HPSE2: variants seen among roughly 807,000 people sequenced by gnomAD.
The protein encoded by HPSE2 is inactive heparanase-2.
Under a neutral mutation model 60.5 loss-of-function variants are expected in HPSE2, and 38 were observed. The observed-to-expected ratio is 0.63, with a 90% CI of 0.48 to 0.82. The LOEUF is 0.82. Ranked by LOEUF, HPSE2 falls within the 40% of genes least tolerant of loss-of-function variation. The pLI is 0.00. For synonymous variants in HPSE2, 295 were observed against 293.2 expected (o/e 1.01, Z -0.06); for missense variants, 713 against 740.4 (o/e 0.96, Z 0.43).
chr10:99,286,498 G>C, the HPSE2 span, among the ~76,000 whole-genome samples: 2 of 152,100 alleles, frequency 1.3e-5, no homozygotes, highest in African/African-American at 4.8e-5. Context: ...AATTCATAGA[G>C]ACAGAAAATA....
chr10:98,594,740 T>C lies in HPSE2; in HGVS notation c.1320+20164A>G, dbSNP rs191609749. On this transcript the variant is annotated intron_variant, in intron 9 of 11. Coordinates refer to ENST00000370552, the MANE Select transcript of HPSE2 (RefSeq NM_021828.5). The stretch of plus-strand genomic sequence containing the variant: ...TTAGATTGTTTCCATATCTTGGCTA[T>C]TGTAAGTAATGCTGCAATGATCATG... Among the ~76,000 whole-genome samples the C allele has an allele frequency of 9.2e-4, 140 of 152,312 alleles. 1 individual carries two copies. Among genetic ancestry groups the C allele is most frequent in the African/African-American group, 3.1e-3 (127 of 41,576 alleles).
At chr10:99,106,692 A>C (rs1017164751) in intron 3 of HPSE2, among the ~76,000 whole-genome samples, 1 of 152,090 alleles carries the variant, frequency 6.6e-6, no homozygotes, top group African/African-American at 2.4e-5. Context: ...TACTGTGCTA[A>C]ACCTAAACAT....
At chr10:98,678,412 T>C (rs1288117670) in intron 6 of HPSE2, among the ~76,000 whole-genome samples, 1 of 152,154 alleles carries the variant, frequency 6.6e-6, no homozygotes, top group East Asian at 1.9e-4. Context: ...TGGAGGGTGA[T>C]TAAAATAGAC....
At chr10:99,001,632 G>C (rs1010386666) in intron 3 of HPSE2, among the ~76,000 whole-genome samples, 5 of 151,976 alleles carry the variant, frequency 3.3e-5, no homozygotes, top group Admixed American at 3.3e-4. Flanking sequence ...TTTGTAACTA[G>C]TCAAATGCCA....
intron 11 of HPSE2, among the ~76,000 whole-genome samples, chr10:98,469,611 G>C (rs1260773427): frequency 6.6e-6 from 1 of 152,190 alleles, no homozygotes; most frequent in African/African-American, 2.4e-5. Flanking sequence ...CAGGAAGGGA[G>C]GAAAATCAGA....
intron 3 of HPSE2, among the ~76,000 whole-genome samples, chr10:98,902,004 C>A (rs1352886282): frequency 6.6e-6 from 1 of 152,124 alleles, no homozygotes; most frequent in African/African-American, 2.4e-5. Flanking sequence ...CCAGAGTGCT[C>A]AACATCTAGG....
chr10:98,822,022 G>T (rs1387130808), intron 3 of HPSE2, among the ~76,000 whole-genome samples: 1 of 152,122 alleles, frequency 6.6e-6, no homozygotes, highest in Non-Finnish European at 1.5e-5. Flanking sequence ...CAAATTTACG[G>T]TATGGTCCCA....
At chr10:98,610,084 G>A (rs201346121) in intron 9 of HPSE2, among the ~76,000 whole-genome samples, 10 of 152,044 alleles carry the variant, frequency 6.6e-5, no homozygotes, top group Non-Finnish European at 1.3e-4. Context: ...CTCGTGATCC[G>A]CCCGCCTTGG....
chr10:98,791,148 T>G (rs746997648), intron 3 of HPSE2, among the ~76,000 whole-genome samples: 6 of 152,212 alleles, frequency 3.9e-5, no homozygotes, highest in Non-Finnish European at 4.4e-5. Context: ...GTGTTTCATG[T>G]TATATCATTT....
At chr10:99,263,562 C>T in the HPSE2 span, among the ~76,000 whole-genome samples, 13 of 152,174 alleles carry the variant, frequency 8.5e-5, no homozygotes, top group Non-Finnish European at 1.3e-4. Context: ...CAGATTCCAT[C>T]ACTCAGGGGA....
chr10:99,023,109 G>A (rs962941822), intron 3 of HPSE2, among the ~76,000 whole-genome samples: 1 of 152,126 alleles, frequency 6.6e-6, no homozygotes, highest in Non-Finnish European at 1.5e-5. Flanking sequence ...GGCTAGAGGA[G>A]AAACTAATGC....
chr10:98,851,470 C>G lies in HPSE2; in HGVS notation c.611-107414G>C, dbSNP rs527578058. Among the ~76,000 whole-genome samples the G allele has an allele frequency of 2.3e-4, 35 of 152,332 alleles. No homozygotes were observed. The East Asian group carries it at 6.4e-3, about 28-fold the overall frequency. The stretch of plus-strand genomic sequence containing the variant: ...AGAAAATATGTTCCATAACCAACAC[C>G]TGCTTCTCCTGTAGCCACTTCCTGG... On this transcript the variant is annotated intron_variant, in intron 3 of 11. Coordinates refer to ENST00000370552, the MANE Select transcript of HPSE2 (RefSeq NM_021828.5).
intron 3 of HPSE2, chr10:99,047,912 G>A: frequency 1.3e-6 from 1 of 760,422 alleles, no homozygotes. Flanking sequence ...ACTGGCGTTT[G>A]TCCTCAGGAT....
intron 3 of HPSE2, among the ~76,000 whole-genome samples, chr10:98,932,259 G>A (rs1279172816): frequency 6.9e-6 from 1 of 144,138 alleles, no homozygotes; most frequent in African/African-American, 2.8e-5. Context: ...CTGTTTATGT[G>A]ATGAATTACA....
intron 2 of HPSE2, among the ~76,000 whole-genome samples, chr10:99,149,874 T>TC (rs1846194464): frequency 6.6e-6 from 1 of 152,062 alleles, no homozygotes; most frequent in Admixed American, 6.5e-5. Flanking sequence ...TTTTTTTTTT[T>TC]TCTCCTGGTA....
chr10:99,180,889 C>CAAAAAAAAAA (rs68033581), intron 2 of HPSE2, among the ~76,000 whole-genome samples: 2 of 29,700 alleles, frequency 6.7e-5, no homozygotes, highest in African/African-American at 4.3e-4. Context: ...GACTCCATCT[C>CAAAAAAAAAA]AAAAAAAAAA....
At chr10:98,805,276 C>CA (rs1025613651) in intron 3 of HPSE2, among the ~76,000 whole-genome samples, 20 of 149,556 alleles carry the variant, frequency 1.3e-4, no homozygotes, top group South Asian at 8.4e-4. Flanking sequence ...TGATTTTTCA[C>CA]AAAAAAAAAT....
At chr10:98,844,490 C>A (rs1430002660) in intron 3 of HPSE2, among the ~76,000 whole-genome samples, 4 of 152,070 alleles carry the variant, frequency 2.6e-5, no homozygotes, top group Admixed American at 2.0e-4. Flanking sequence ...AGAATTTGGA[C>A]CTTTGTCAAT....
intron 4 of HPSE2, among the ~76,000 whole-genome samples, chr10:98,742,642 A>G (rs919638043): frequency 9.8e-5 from 15 of 152,292 alleles, no homozygotes; most frequent in Middle Eastern, 3.4e-3. Flanking sequence ...CAGATTCATG[A>G]AATCTACAGA....
Sources: allele counts gnomAD v4.1 joint callset (sites outside exome capture counted in the v4.1 genomes callset), GRCh38; gene constraint gnomAD v4.1.1; transcripts MANE v1.5; gene names NCBI Gene and HGNC (gene_info 2026-07-23, HGNC 2026-07-21).